Variants in TEX9 observed in about 807,000 individuals in gnomAD.
TEX9 encodes the protein testis expressed 9, also known as testis-expressed protein 9.
In TEX9, 74 loss-of-function variants were observed where a neutral mutation model predicts 59.6. The observed-to-expected ratio is 1.24, with a 90% CI of 1.03 to 1.51. TEX9 has a LOEUF of 1.51. Among genes scored for constraint, TEX9 ranks in the 40% most tolerant of loss-of-function variants. The pLI is 0.00. For missense variants in TEX9, 522 were observed against 447.8 expected, an observed-to-expected ratio of 1.17 and a Z score of -1.49; for synonymous variants, 186 against 152.2, an observed-to-expected ratio of 1.22 and a Z score of -1.64.
chr15:56,314,524 A>G (rs1460175428), intron 1 of TEX9, among the ~76,000 whole-genome samples: 4 of 146,332 alleles, frequency 2.7e-5, no homozygotes, highest in African/African-American at 5.1e-5. Flanking sequence ...ATAGTTTGTT[A>G]TAATTTCTGT....
intron 1 of TEX9, chr15:56,323,105 A>G (rs1361748128): frequency 4.7e-6 from 1 of 210,626 alleles, no homozygotes; most frequent in African/African-American, 2.3e-5. Context: ...GAGAAAAAAT[A>G]ACTAACCATG....
intron 12 of TEX9, chr15:56,444,608 A>G: frequency 1.9e-6 from 3 of 1,613,068 alleles, no homozygotes; most frequent in Non-Finnish European, 2.5e-6. Flanking sequence ...CTTCTGCAGC[A>G]TTCTCTTCCT....
intron 1 of TEX9, among the ~76,000 whole-genome samples, chr15:56,312,657 A>C (rs1170873792): frequency 1.5e-5 from 2 of 136,794 alleles, no homozygotes; most frequent in African/African-American, 5.7e-5. Flanking sequence ...TGAACTTTAA[A>C]GTAGTTTTTT....
intron 8 of TEX9, 92 bp from the exon 9 acceptor site, chr15:56,394,569 T>C (rs1420861968): frequency 3.2e-6 from 3 of 945,074 alleles, no homozygotes; most frequent in Admixed American, 3.0e-5. Flanking sequence ...TGTATAAATA[T>C]CAAAGAACAT....
At chr15:56,434,589 G>A (rs1212965063) in intron 12 of TEX9, among the ~76,000 whole-genome samples, 1 of 152,000 alleles carries the variant, frequency 6.6e-6, no homozygotes, top group Non-Finnish European at 1.5e-5. Context: ...CATTTGGATT[G>A]TTTTCTGTTA....
intron 1 of TEX9, among the ~76,000 whole-genome samples, chr15:56,305,448 A>G (rs2045458095): frequency 6.6e-6 from 1 of 152,186 alleles, no homozygotes; most frequent in Admixed American, 6.5e-5. Context: ...GAAACAGAAC[A>G]GAGAACCCAG....
the TEX9 span, among the ~76,000 whole-genome samples, chr15:56,458,634 A>G: frequency 6.6e-6 from 1 of 152,222 alleles, no homozygotes; most frequent in Non-Finnish European, 1.5e-5. Flanking sequence ...AAAATCCTAA[A>G]AACAACTTAC....
chr15:56,364,230 C>T (rs1567098754), upstream of TEX9, among the ~76,000 whole-genome samples: 2 of 151,798 alleles, frequency 1.3e-5, no homozygotes, highest in South Asian at 2.1e-4. Context: ...CTCAGCTCAC[C>T]GCAACCTCTG....
intron 1 of TEX9, among the ~76,000 whole-genome samples, chr15:56,264,555 T>A (rs1404656261): frequency 2.6e-5 from 4 of 152,216 alleles, no homozygotes; most frequent in Non-Finnish European, 4.4e-5. Context: ...TTACATGGTC[T>A]TTTGAAGAGC....
chr15:56,306,257 C>CAAAAAAAAAAAAAAAAAAAAAAAAA (rs55882329), intron 1 of TEX9, among the ~76,000 whole-genome samples: 1 of 79,448 alleles, frequency 1.3e-5, no homozygotes, highest in Non-Finnish European at 2.3e-5. Flanking sequence ...AGGTACATAG[C>CAAAAAAAAAAAAAAAAAAAAAAAAA]AAAAAAAAAA....
At position 56,439,261 on chromosome 15, in the gene TEX9, A is replaced by C. The variant is rs143900621; in HGVS notation, c.*30-6410A>C. Among the ~76,000 whole-genome samples the C allele has an allele frequency of 2.8e-3, 419 of 152,276 alleles. 2 individuals are homozygous for C. The highest frequency in any genetic ancestry group is 9.6e-3 in the African/African-American group (401 of 41,572). On this transcript the variant is annotated intron_variant, in intron 12 of 12. Coordinates refer to ENST00000352903, the Ensembl canonical transcript of TEX9. ...TGAAACTAGAGAATCCTGATGAAAA[A>C]ATTCAAAGATCTAAATAAAGGGAGA...
chr15:56,355,861 C>T (rs1596112426), intron 1 of TEX9, among the ~76,000 whole-genome samples: 1 of 151,906 alleles, frequency 6.6e-6, no homozygotes, highest in Non-Finnish European at 1.5e-5. Context: ...TCCAATTGTT[C>T]ATACTAATTA....
intron 12 of TEX9, among the ~76,000 whole-genome samples, chr15:56,442,697 G>A (rs568677608): frequency 2.0e-5 from 3 of 152,082 alleles, no homozygotes; most frequent in African/African-American, 4.8e-5. Flanking sequence ...TTGAGTACAC[G>A]TGGACACAAA....
intron 1 of TEX9, among the ~76,000 whole-genome samples, chr15:56,275,338 C>T (rs2141422289): frequency 6.6e-6 from 1 of 152,272 alleles, no homozygotes; most frequent in East Asian, 1.9e-4. Flanking sequence ...TGATCTCTTT[C>T]CCACAACTTG....
chr15:56,372,137 A>C (rs1166627090), intron 2 of TEX9, among the ~76,000 whole-genome samples: 1 of 152,188 alleles, frequency 6.6e-6, no homozygotes, highest in African/African-American at 2.4e-5. Flanking sequence ...CCACTATATT[A>C]ATTGGAAACT....
In TEX9 at chr15:56,426,879, A is replaced by ACAAACTTGGTCTCCCGC. The variant is rs2050308886; in HGVS notation, c.964-725_964-709dup. 2.6e-5 allele frequency among the ~76,000 whole-genome samples: 4 copies of ACAAACTTGGTCTCCCGC among 151,876 alleles called. No individual in the cohort carries two copies. In the South Asian group the frequency reaches 8.3e-4, roughly 32 times the overall value. On this transcript the variant is annotated intron_variant, in intron 10 of 12. Transcript: ENST00000352903. ...TATCCAGTCCATTTTTACCAAGATT[A>ACAAACTTGGTCTCCCGC]CAAACTTGGTCTCCCGCTTGTCATG...
chr15:56,454,437 A>C, the TEX9 span, among the ~76,000 whole-genome samples: 10 of 152,290 alleles, frequency 6.6e-5, no homozygotes, highest in East Asian at 1.7e-3. Context: ...ATGAAATACT[A>C]GGTCCTACTC....
intron 1 of TEX9, among the ~76,000 whole-genome samples, chr15:56,294,305 C>A (rs1264321639): frequency 6.6e-6 from 1 of 152,198 alleles, no homozygotes; most frequent in Non-Finnish European, 1.5e-5. Context: ...TGCTTCTTGT[C>A]TTTTCCTTCC....
intron 1 of TEX9, among the ~76,000 whole-genome samples, chr15:56,266,134 C>CT (rs1277977269): frequency 4.1e-4 from 60 of 147,616 alleles, no homozygotes; most frequent in East Asian, 2.2e-3. Context: ...TAATTTCTCT[C>CT]TTTTTTTTTT....
Sources: allele counts gnomAD v4.1 joint callset (sites outside exome capture counted in the v4.1 genomes callset), GRCh38; gene constraint gnomAD v4.1.1; transcripts MANE v1.5; gene names NCBI Gene and HGNC (gene_info 2026-07-23, HGNC 2026-07-21).